RTEL1: variants seen among roughly 807,000 people sequenced by gnomAD.
RTEL1 encodes the protein regulator of telomere elongation helicase 1.
Under a neutral mutation model 162.2 loss-of-function variants are expected in RTEL1, and 86 were observed. The ratio of observed to expected loss-of-function variants is 0.53; its 90% CI spans 0.45 to 0.63. The LOEUF is 0.63. Ranked by LOEUF, RTEL1 falls within the 30% of genes least tolerant of loss-of-function variation. RTEL1 has a pLI of 0.00. For missense variants in RTEL1, 1,941 were observed against 1,750.2 expected (o/e 1.11, Z -1.95); for synonymous variants, 958 against 717.9 (o/e 1.33, Z -5.35).
In RTEL1 at chr20:63,688,311, C is replaced by T; in HGVS notation, c.1647C>T (p.Ala549=). The T allele has an allele frequency of 1.9e-6, 3 of 1,612,396 alleles. No individual in the cohort carries two copies. The highest frequency in any genetic ancestry group is 2.5e-6 in the Non-Finnish European group (3 of 1,179,934). The part of the protein sequence containing the change: ...SSLGKALGNI[A]RVVPYGLLIF... The stretch of plus-strand genomic sequence containing the variant: ...CCCCTGCACTTCCAGGCAACATCGC[C>T]CGCGTGGTGCCCTATGGGCTCCTGA... Residue 549 remains alanine (A), a synonymous_variant, in exon 20 of 35, where the codon GCC becomes GCT. Coordinates refer to ENST00000360203, the MANE Select transcript of RTEL1 (RefSeq NM_001283009.2).
Position 63,695,047 on chromosome 20 carries a change from T to C in RTEL1, c.3344-19T>C. ...GACAAAATGGGGGCTGTGCCGGGTC[T>C]GATTGAAGCTCCCCGCAGGGTTCAG... On this transcript the variant is annotated intron_variant, in intron 32 of 34. Transcript: ENST00000360203. The C allele has an allele frequency of 6.2e-7, 1 of 1,610,678 alleles. No homozygotes were observed. Among genetic ancestry groups the C allele is most frequent in the Non-Finnish European group, 8.5e-7 (1 of 1,178,582 alleles).
intron 13 of RTEL1, 25 bp from the exon 14 acceptor site, chr20:63,680,639 G>T (rs755812082): frequency 3.7e-6 from 6 of 1,612,216 alleles, no homozygotes; most frequent in Admixed American, 3.3e-5. Flanking sequence ...TGCAGTGTGG[G>T]TGTCAGCGCC....
chr20:63,683,629 T>A (rs567037040), intron 14 of RTEL1, among the ~76,000 whole-genome samples: 1 of 152,320 alleles, frequency 6.6e-6, no homozygotes, highest in South Asian at 2.1e-4. Flanking sequence ...CTGTGAATGA[T>A]TCCGGCTTCT....
chr20:63,688,656 G>T, intron 21 of RTEL1, 51 bp downstream of exon 21: 1 of 1,518,976 alleles, frequency 6.6e-7, no homozygotes, highest in Non-Finnish European at 8.9e-7. Flanking sequence ...TGCCTCCCCT[G>T]CCTCTCACAG....
In RTEL1 at chr20:63,695,130, C is replaced by T. The variant is rs752386852; in HGVS notation, c.3408C>T (p.Thr1136=). 17 of 1,612,246 alleles carry T rather than the reference C, an allele frequency of 1.1e-5. No homozygotes were observed. The highest frequency in any genetic ancestry group is 1.6e-4 in the Middle Eastern group (1 of 6,082). Reference sequence around the variant, plus strand: ...TCTCACAGACGTGCACAGACCTGACCGGCCGGCCCTACCCGGGCATGGAGC... The same window carrying T: ...TCTCACAGACGTGCACAGACCTGACTGGCCGGCCCTACCCGGGCATGGAGC... ...QRFSQTCTDL[T]GRPYPGMEPP... is the part of the protein sequence containing the mutation. Residue 1136 remains threonine (T), a synonymous_variant, in exon 33 of 35, where the codon ACC becomes ACT. Transcript: ENST00000360203.
In RTEL1 at chr20:63,696,181, C is replaced by A; in HGVS notation, c.*323C>A. ...CCCTCACCGGGAAGGAGGAGACCCC[C>A]GTGGGCACGTGTCCACTTTTAATCA... is the stretch of plus-strand genomic sequence containing the variant. On this transcript the variant is annotated 3_prime_UTR_variant, in exon 35 of 35. Coordinates refer to ENST00000360203, the MANE Select transcript of RTEL1 (RefSeq NM_001283009.2). 1 of 445,032 alleles carries A rather than the reference C, an allele frequency of 2.2e-6. No homozygotes were observed. 27.6% of individuals were successfully genotyped at this position (445,032 alleles called of 1,614,324 possible).
At chr20:63,672,723 C>A in intron 9 of RTEL1, 102 bp downstream of exon 9, 1 of 956,056 alleles carries the variant, frequency 1.0e-6, no homozygotes, top group Non-Finnish European at 1.6e-6. Flanking sequence ...ACTCCTGAAG[C>A]CCTAGGTGCC....
upstream of RTEL1, chr20:63,658,120 A>C (rs934193838): frequency 3.5e-4 from 53 of 152,424 alleles, 1 homozygote; most frequent in Non-Finnish European, 6.3e-4. Context: ...GAATGACATC[A>C]AGGGAGGAGA....
At chr20:63,683,820 C>T (rs879690631) in intron 14 of RTEL1, among the ~76,000 whole-genome samples, 1 of 144,742 alleles carries the variant, frequency 6.9e-6, no homozygotes, top group African/African-American at 2.6e-5. Context: ...CATTCCTTTC[C>T]CATTGATTTG....
rs199597161 is a variant in RTEL1 at position 63,692,788 on chromosome 20, G to A, written c.2653-17G>A. On this transcript the variant is annotated splice_polypyrimidine_tract_variant and intron_variant, in intron 28 of 34. Transcript: ENST00000360203. ...ATGAGGCTGGCCCTGATGGAGCCTC[G>A]GGCCTGTGTCCTGCAGGAGGAGCCC... 2.7e-5 allele frequency: 44 copies of A among 1,603,968 alleles called. No homozygotes were observed. The highest frequency in any genetic ancestry group is 1.8e-4 in the Middle Eastern group (1 of 5,522).
In RTEL1 at chr20:63,695,887, A is replaced by G. The variant is rs145241747; in HGVS notation, c.*29A>G. The G allele has an allele frequency of 3.1e-5, 48 of 1,552,074 alleles. 1 individual carries two copies. In the Admixed American group the frequency reaches 3.9e-4, roughly 13 times the overall value. On this transcript the variant is annotated 3_prime_UTR_variant, in exon 35 of 35. Transcript: ENST00000360203. Reference sequence around the variant, plus strand: ...CCCACGGAGGCCCCCAGCACACCCAACGTGGCTTGATCACCTGCCTGTCCA... The same window carrying G: ...CCCACGGAGGCCCCCAGCACACCCAGCGTGGCTTGATCACCTGCCTGTCCA...
At chr20:63,688,822 T>A in intron 21 of RTEL1, 1 of 632,348 alleles carries the variant, frequency 1.6e-6, no homozygotes, top group Non-Finnish European at 2.7e-6. Context: ...CCCTCCTGTC[T>A]GAGTAGCCCT....
intron 10 of RTEL1, among the ~76,000 whole-genome samples, chr20:63,675,898 C>A (rs867801850): frequency 6.6e-6 from 1 of 152,198 alleles, no homozygotes; most frequent in Admixed American, 6.5e-5. Flanking sequence ...GTGGGAGAAA[C>A]ATCCACCCAC....
rs755886610 is a variant in RTEL1 at position 63,694,743 on chromosome 20, G to T, written c.3112G>T (p.Asp1038Tyr). ...GAGCCATGCTACTCCCACACCAGGA[G>T]ACCCTGGCAGCCAACCACAGTGGGG... Reference protein sequence around the residue: ...HLSPRPPPTGDPGSQPQWGSG... With the variant: ...HLSPRPPPTGYPGSQPQWGSG... Residue 1038 changes from aspartate (D) to tyrosine (Y), a missense_variant and splice_region_variant, in exon 32 of 35, where the codon GAC becomes TAC. Physicochemically the swap from Asp to Tyr is radical, Grantham distance 160. Transcript: ENST00000360203. 1 of 1,600,540 alleles carries T rather than the reference G, an allele frequency of 6.2e-7. No individual in the cohort carries two copies. The highest frequency in any genetic ancestry group is 8.5e-7 in the Non-Finnish European group (1 of 1,173,444).
intron 26 of RTEL1, 37 bp downstream of exon 26, chr20:63,690,478 T>TGGGGGGGGGGGGGGGGGGGGGGGGG: frequency 1.4e-5 from 8 of 553,922 alleles, no homozygotes; most frequent in East Asian, 4.7e-5. Flanking sequence ...GGTGTGGGGG[T>TGGGGGGGGGGGGGGGGGGGGGGGGG]GGCGGAGCGG....
chr20:63,664,542 TCTC>T (rs1337400288), intron 6 of RTEL1, among the ~76,000 whole-genome samples: 7 of 152,210 alleles, frequency 4.6e-5, no homozygotes, highest in Admixed American at 2.0e-4. Flanking sequence ...CCCCCATCTG[TCTC>T]CTCCTCCAGG....
intron 8 of RTEL1, among the ~76,000 whole-genome samples, chr20:63,667,890 G>T (rs1040977517): frequency 5.9e-5 from 9 of 151,974 alleles, no homozygotes; most frequent in African/African-American, 2.2e-4. Flanking sequence ...CGAGAACACA[G>T]GAAGCCCACT....
chr20:63,694,796 G>A lies in RTEL1; in HGVS notation c.3165G>A (p.Gln1055=). The A allele has an allele frequency of 4.3e-6, 7 of 1,612,242 alleles. No homozygotes were observed. The South Asian group carries it at 6.6e-5, about 15-fold the overall frequency. The change falls in exon 32 of 35, where the codon CAG becomes CAA. Residue 1055 remains glutamine, a synonymous_variant. Coordinates refer to ENST00000360203, the MANE Select transcript of RTEL1 (RefSeq NM_001283009.2). The part of the protein sequence containing the change: ...WGSGVPRAGK[Q]GQHAVSAYLA... ...CTGGAGTGCCCAGAGCAGGGAAGCA[G>A]GGCCAGCACGCCGTGAGCGCCTACC...
In RTEL1 at chr20:63,694,428, G is replaced by T. The variant is rs61736617; in HGVS notation, c.3049G>T (p.Asp1017Tyr). The stretch of plus-strand genomic sequence containing the variant: ...GTCCACGGCTGCAGCCCAGCAGCTG[G>T]ACCCCCAAGAGCACCTGAACCAGGG... ...TVSTAAAQQL[D>Y]PQEHLNQGRP... The change falls in exon 31 of 35, where the codon GAC becomes TAC. Residue 1017 changes from aspartate to tyrosine, a missense_variant. Asp to Tyr is a radical substitution (Grantham distance 160). Coordinates refer to ENST00000360203, the MANE Select transcript of RTEL1 (RefSeq NM_001283009.2). 1.9e-6 allele frequency: 3 copies of T among 1,612,246 alleles called. No individual in the cohort carries two copies. The highest frequency in any genetic ancestry group is 2.5e-6 in the Non-Finnish European group (3 of 1,179,656).
Sources: gnomAD v4.1 joint callset for allele counts (sites outside exome capture counted in the v4.1 genomes callset) on GRCh38, gnomAD v4.1.1 for gene constraint, MANE v1.5 for transcripts, NCBI Gene and HGNC (gene_info 2026-07-23, HGNC 2026-07-21) for gene names.